Variants in TTC28 observed in about 807,000 individuals in gnomAD.
TTC28 encodes the protein tetratricopeptide repeat protein 28.
A neutral mutation model predicts 198.0 loss-of-function variants in TTC28; 61 were observed. That is an observed-to-expected ratio of 0.31 (90% CI 0.25 to 0.38). TTC28 has a LOEUF of 0.38. TTC28 is among the 10% of genes least tolerant of loss of function. The pLI, the probability that TTC28 is intolerant of heterozygous loss-of-function variation, is 1.00. For missense variants in TTC28, 2,678 were observed against 3,164.0 expected, an observed-to-expected ratio of 0.85 and a Z score of 3.69; for synonymous variants, 1,171 against 1,297.8, an observed-to-expected ratio of 0.90 and a Z score of 2.10.
chr22:28,193,440 T>G (rs1925070118), intron 5 of TTC28, among the ~76,000 whole-genome samples: 1 of 152,136 alleles, frequency 6.6e-6, no homozygotes, highest in Non-Finnish European at 1.5e-5. Flanking sequence ...ATAACAATAT[T>G]AACCTTAAAT....
intron 2 of TTC28, among the ~76,000 whole-genome samples, chr22:28,627,200 G>T (rs763134278): frequency 2.6e-5 from 4 of 152,002 alleles, no homozygotes; most frequent in Non-Finnish European, 5.9e-5. Flanking sequence ...CACAATCATA[G>T]CTATTACTTA....
chr22:28,568,788 A>T (rs1312491136), intron 2 of TTC28, among the ~76,000 whole-genome samples: 1 of 152,218 alleles, frequency 6.6e-6, no homozygotes. Flanking sequence ...AGCAATTTAC[A>T]GATTTAATGC....
chr22:28,457,145 G>A (rs923488375), intron 2 of TTC28, among the ~76,000 whole-genome samples: 17 of 152,098 alleles, frequency 1.1e-4, no homozygotes, highest in African/African-American at 2.7e-4. Flanking sequence ...AGAACACCAC[G>A]GCCCTTGCAG....
chr22:28,025,415 G>A (rs956035237), intron 13 of TTC28, among the ~76,000 whole-genome samples: 2 of 152,162 alleles, frequency 1.3e-5, no homozygotes, highest in Non-Finnish European at 2.9e-5. Context: ...GGTCTGGCTG[G>A]CCCCAGAGCC....
At chr22:28,421,959 T>C (rs898342889) in intron 2 of TTC28, among the ~76,000 whole-genome samples, 6 of 149,276 alleles carry the variant, frequency 4.0e-5, no homozygotes, top group Admixed American at 4.0e-4. Context: ...AGAAGAGTTA[T>C]GATAAATACC....
Position 27,999,091 on chromosome 22 carries a change from A to G in TTC28, c.4568T>C (p.Leu1523Pro). The change falls in exon 16 of 23, where the codon CTA becomes CCA. Residue 1523 changes from leucine to proline, a missense_variant. Physicochemically the swap from Leu to Pro is moderately conservative, Grantham distance 98. Around this residue, in one of 8 missense-constraint regions of TTC28, gnomAD observed 727 missense variants for 861.9 expected, o/e 0.84. Coordinates refer to ENST00000397906, the MANE Select transcript of TTC28 (RefSeq NM_001145418.2). Reference sequence around the variant, plus strand: ...CTCCTTGGTGGCCACACTGCCCACTAGGGGCTGGCAGCCCAGCAGCTCGGA... The same window carrying G: ...CTCCTTGGTGGCCACACTGCCCACTGGGGGCTGGCAGCCCAGCAGCTCGGA... ...MVSELLGCQP[L>P]VGSVATKERV... The G allele has an allele frequency of 6.4e-7, 1 of 1,550,610 alleles. No individual in the cohort carries two copies. The highest frequency in any genetic ancestry group is 8.7e-7 in the Non-Finnish European group (1 of 1,146,994).
At chr22:28,419,370 C>G (rs1018211479) in intron 2 of TTC28, among the ~76,000 whole-genome samples, 1 of 152,164 alleles carries the variant, frequency 6.6e-6, no homozygotes, top group Non-Finnish European at 1.5e-5. Flanking sequence ...TTGTATTACA[C>G]TAGGTTGCTT....
chr22:27,983,720 C>T lies in TTC28; in HGVS notation c.5947G>A (p.Asp1983Asn). The change falls in exon 23 of 23, where the codon GAC becomes AAC. Residue 1983 changes from aspartate (D) to asparagine (N), a missense_variant. Physicochemically the swap from Asp to Asn is conservative, Grantham distance 23 (BLOSUM62 1). Transcript: ENST00000397906. ...GAGATGGCATCTGAGGCGATGCTGT[C>T]CGCACCGGTGGGAGAGAAGGGGGGT... is the stretch of plus-strand genomic sequence containing the variant. ...QQPPFSPTGA[D>N]SIASDAISVY... 6.4e-7 allele frequency: 1 copy of T among 1,551,392 alleles called. No individual in the cohort carries two copies. Among genetic ancestry groups the T allele is most frequent in the Non-Finnish European group, 8.7e-7 (1 of 1,146,876 alleles).
chr22:28,280,392 C>A lies in TTC28; in HGVS notation c.933+15806G>T, dbSNP rs574860989. The stretch of plus-strand genomic sequence containing the variant: ...CCCAGGCTGGAGTGCAATGGCGCGA[C>A]CTCGGCTCACTGTAACCTCCGCCTC... On this transcript the variant is annotated intron_variant, in intron 5 of 22. Coordinates refer to ENST00000397906, the MANE Select transcript of TTC28 (RefSeq NM_001145418.2). Among the ~76,000 whole-genome samples the A allele has an allele frequency of 7.9e-5, 12 of 151,970 alleles. 1 individual carries two copies. In the East Asian group the frequency reaches 2.1e-3, roughly 27 times the overall value.
At chr22:28,259,989 C>A (rs1931208501) in intron 5 of TTC28, among the ~76,000 whole-genome samples, 1 of 152,080 alleles carries the variant, frequency 6.6e-6, no homozygotes, top group Non-Finnish European at 1.5e-5. Context: ...AGTCAACTGT[C>A]TATGCATTTA....
intron 2 of TTC28, among the ~76,000 whole-genome samples, chr22:28,381,315 G>T (rs2046490746): frequency 6.6e-6 from 1 of 152,070 alleles, no homozygotes. Flanking sequence ...ACCTGCCCTT[G>T]ATTCAGCAGA....
At chr22:28,649,570 A>G (rs1287625754) in intron 1 of TTC28, among the ~76,000 whole-genome samples, 3 of 152,194 alleles carry the variant, frequency 2.0e-5, no homozygotes, top group Non-Finnish European at 4.4e-5. Flanking sequence ...AAACTATTCA[A>G]TATAAACTCT....
chr22:28,672,767 C>A (rs1407853242), intron 1 of TTC28, among the ~76,000 whole-genome samples: 1 of 152,142 alleles, frequency 6.6e-6, no homozygotes, highest in African/African-American at 2.4e-5. Flanking sequence ...GAGAGTAGAA[C>A]AGAAAAAGAG....
chr22:28,181,244 T>A (rs1021011350), intron 5 of TTC28, among the ~76,000 whole-genome samples: 2 of 152,224 alleles, frequency 1.3e-5, no homozygotes, highest in Admixed American at 6.5e-5. Context: ...ATAAATTATT[T>A]ATAATGCACA....
Position 28,108,219 on chromosome 22 carries a change from C to A in TTC28, c.1626G>T (p.Gln542His). The A allele has an allele frequency of 6.4e-7, 1 of 1,551,324 alleles. No homozygotes were observed. The highest frequency in any genetic ancestry group is 8.7e-7 in the Non-Finnish European group (1 of 1,146,692). ...CGCGGTCATTCACTTCCATGGAGAT[C>A]TGCAGCTCCTGCCGATGGTATTTGA... is the stretch of plus-strand genomic sequence containing the variant. ...QAVKYHRQEL[Q>H]ISMEVNDRAS... The change falls in exon 7 of 23, where the codon CAG becomes CAT. Residue 542 changes from glutamine (Q) to histidine (H), a missense_variant. By Grantham distance (24) the Gln-to-His change is conservative. Coordinates refer to ENST00000397906, the MANE Select transcript of TTC28 (RefSeq NM_001145418.2).
intron 5 of TTC28, among the ~76,000 whole-genome samples, chr22:28,285,920 A>G (rs1481922682): frequency 6.6e-6 from 1 of 152,176 alleles, no homozygotes; most frequent in Admixed American, 6.5e-5. Context: ...TGAATGGCAC[A>G]CCCATAATAC....
At chr22:28,422,445 T>C (rs928332703) in intron 2 of TTC28, among the ~76,000 whole-genome samples, 6 of 151,998 alleles carry the variant, frequency 3.9e-5, no homozygotes, top group African/African-American at 1.4e-4. Flanking sequence ...TAAATAATTT[T>C]TTTTTTTTTT....
intron 2 of TTC28, among the ~76,000 whole-genome samples, chr22:28,419,445 G>A (rs1460664645): frequency 2.6e-5 from 4 of 152,072 alleles, no homozygotes; most frequent in African/African-American, 9.7e-5. Context: ...GTAAATATCT[G>A]TATCCATTCC....
At chr22:27,989,442 G>A (rs753694265) in intron 21 of TTC28, among the ~76,000 whole-genome samples, 3 of 152,174 alleles carry the variant, frequency 2.0e-5, no homozygotes, top group Non-Finnish European at 2.9e-5. Context: ...ACAAATGACA[G>A]AGATGAAATC....
Sources: gnomAD v4.1 joint callset for allele counts (sites outside exome capture counted in the v4.1 genomes callset) on GRCh38, gnomAD v4.1.1 for gene constraint, gnomAD v4.1.1 regional missense constraint, MANE v1.5 for transcripts, NCBI Gene and HGNC (gene_info 2026-07-23, HGNC 2026-07-21) for gene names.